Variants in SORCS1 observed in about 807,000 individuals in gnomAD.
The protein encoded by SORCS1 is sortilin related VPS10 domain containing receptor 1, also known as VPS10 domain-containing receptor SorCS1.
In SORCS1, 60 loss-of-function variants were observed where a neutral mutation model predicts 146.1. That is an observed-to-expected ratio of 0.41 (90% CI 0.33 to 0.51). The LOEUF is 0.51. Among genes scored for constraint, SORCS1 ranks in the 20% least tolerant of loss-of-function variants. SORCS1 has a pLI of 0.21. For missense variants in SORCS1, 1,352 were observed against 1,487.6 expected (o/e 0.91, Z 1.50); for synonymous variants, 637 against 584.0 (o/e 1.09, Z -1.31).
chr10:106,905,944 G>A (rs1437351086), intron 2 of SORCS1, among the ~76,000 whole-genome samples: 1 of 152,040 alleles, frequency 6.6e-6, no homozygotes, highest in African/African-American at 2.4e-5. Flanking sequence ...TACTATCTCT[G>A]AGGTCATAAC....
intron 1 of SORCS1, among the ~76,000 whole-genome samples, chr10:107,039,799 TA>T (rs1316603234): frequency 2.6e-5 from 4 of 152,206 alleles, no homozygotes; most frequent in African/African-American, 4.8e-5. Context: ...CAGAATATAG[TA>T]AAATAAGGCT....
chr10:106,827,360 C>T (rs1948349684), intron 3 of SORCS1, among the ~76,000 whole-genome samples: 1 of 152,074 alleles, frequency 6.6e-6, no homozygotes, highest in East Asian at 1.9e-4. Flanking sequence ...CCCAGAGTCA[C>T]CTGTTAGGTG....
At chr10:107,104,066 G>T (rs1392384272) in intron 1 of SORCS1, among the ~76,000 whole-genome samples, 1 of 152,138 alleles carries the variant, frequency 6.6e-6, no homozygotes, top group East Asian at 1.9e-4. Flanking sequence ...CAACAACAAA[G>T]AGAATGTACT....
chr10:106,853,097 G>A (rs1949654697), intron 2 of SORCS1, among the ~76,000 whole-genome samples: 2 of 152,154 alleles, frequency 1.3e-5, no homozygotes, highest in African/African-American at 2.4e-5. Flanking sequence ...AACTGACTGT[G>A]CCTGGTGCTT....
At chr10:106,838,057 A>G in intron 2 of SORCS1, among the ~76,000 whole-genome samples, 1 of 152,164 alleles carries the variant, frequency 6.6e-6, no homozygotes, top group Non-Finnish European at 1.5e-5. Flanking sequence ...CACAGTAGGC[A>G]CTATTTGCTT....
chr10:106,722,761 G>T lies in SORCS1; in HGVS notation c.1024+7289C>A, dbSNP rs75072968. Among the ~76,000 whole-genome samples the T allele has an allele frequency of 1.8e-3, 280 of 152,258 alleles. 2 individuals are homozygous for T. The highest frequency in any genetic ancestry group is 6.5e-3 in the African/African-American group (270 of 41,546). On this transcript the variant is annotated intron_variant, in intron 6 of 25. Transcript: ENST00000263054. ...AGAAGTAAAAGGGAGAAGCAATAAT[G>T]GCCAAAGGTGGTACTGCAGGTTCTC...
In SORCS1 at chr10:107,158,767, C is replaced by T. The variant is rs118178570; in HGVS notation, c.558+5202G>A. Among the ~76,000 whole-genome samples, 173 of 152,248 alleles carry T rather than the reference C, an allele frequency of 1.1e-3. 2 individuals are homozygous for T. Among genetic ancestry groups the T allele is most frequent in the Admixed American group, 2.8e-3 (42 of 15,272 alleles). On this transcript the variant is annotated intron_variant, in intron 1 of 25. Transcript: ENST00000263054. ...AATTAAAACTAAACACAATAATTTG[C>T]GTAAGGCTCTTGGCATAATTTTGGC...
At chr10:106,600,090 G>A (rs544972131) in intron 23 of SORCS1, among the ~76,000 whole-genome samples, 56 of 152,164 alleles carry the variant, frequency 3.7e-4, no homozygotes, top group African/African-American at 1.1e-3. Context: ...GTGCCTGGCC[G>A]CAATATTTGT....
chr10:106,807,679 A>G (rs1947256488), intron 3 of SORCS1, among the ~76,000 whole-genome samples: 1 of 152,252 alleles, frequency 6.6e-6, no homozygotes, highest in Non-Finnish European at 1.5e-5. Flanking sequence ...GCATTCCACC[A>G]GGTAGTTTAT....
At chr10:106,999,135 T>A (rs1203157892) in intron 1 of SORCS1, among the ~76,000 whole-genome samples, 1 of 151,990 alleles carries the variant, frequency 6.6e-6, no homozygotes, top group African/African-American at 2.4e-5. Flanking sequence ...GTAATTCAGG[T>A]TTAATGGAAA....
chr10:106,710,389 A>T (rs917557491), intron 6 of SORCS1, among the ~76,000 whole-genome samples: 1 of 145,484 alleles, frequency 6.9e-6, no homozygotes, highest in African/African-American at 2.5e-5. Flanking sequence ...CGGAGGTTGC[A>T]GTGGGCCAAG....
At chr10:106,862,871 T>G (rs1950076780) in intron 2 of SORCS1, among the ~76,000 whole-genome samples, 2 of 151,880 alleles carry the variant, frequency 1.3e-5, no homozygotes, top group African/African-American at 4.8e-5. Context: ...AGTCAAGCAT[T>G]TAGTTGAGAC....
chr10:106,956,539 C>T lies in SORCS1; in HGVS notation c.600G>A (p.Gly200=). The change falls in exon 2 of 26, where the codon GGG becomes GGA. Residue 200 remains glycine, a synonymous_variant. Coordinates refer to ENST00000263054, the MANE Select transcript of SORCS1 (RefSeq NM_052918.5). ...TCCAAAGCGAGCTCTCTGTGATGCT[C>T]CCCAGGTTATAGTCATAGAGCTTTG... ...ILTKLYDYNL[G]SITESSLWRS... 1 of 1,614,122 alleles carries T rather than the reference C, an allele frequency of 6.2e-7. No individual in the cohort carries two copies. Among genetic ancestry groups the T allele is most frequent in the Non-Finnish European group, 8.5e-7 (1 of 1,180,000 alleles).
intron 16 of SORCS1, among the ~76,000 whole-genome samples, chr10:106,669,426 GT>G (rs1038641899): frequency 7.9e-5 from 12 of 151,886 alleles, no homozygotes; most frequent in Admixed American, 3.3e-4. Context: ...AAGAATGGCT[GT>G]TTCTTAAGGC....
At chr10:106,721,919 T>C (rs1855806849) in intron 6 of SORCS1, among the ~76,000 whole-genome samples, 1 of 152,228 alleles carries the variant, frequency 6.6e-6, no homozygotes, top group Admixed American at 6.5e-5. Flanking sequence ...TGGAGTTCTA[T>C]GTATCAATTA....
chr10:106,792,612 C>G (rs570856659), intron 3 of SORCS1, among the ~76,000 whole-genome samples: 22 of 152,362 alleles, frequency 1.4e-4, no homozygotes, highest in African/African-American at 5.3e-4. Flanking sequence ...TTTCCCAGGA[C>G]TGCATCTTAA....
At chr10:107,168,582 C>T (rs1970099102), upstream of SORCS1, among the ~76,000 whole-genome samples, 1 of 151,062 alleles carries the variant, frequency 6.6e-6, no homozygotes, top group Non-Finnish European at 1.5e-5. Flanking sequence ...AGGAGCACAA[C>T]TCTTAGTAAC....
intron 17 of SORCS1, 122 bp downstream of exon 17, chr10:106,667,567 G>T: frequency 1.6e-6 from 1 of 627,224 alleles, no homozygotes; most frequent in Non-Finnish European, 2.8e-6. Flanking sequence ...ATGAACAAAA[G>T]CAATTACATT....
intron 2 of SORCS1, among the ~76,000 whole-genome samples, chr10:106,898,514 C>T (rs1951574647): frequency 6.6e-6 from 1 of 152,204 alleles, no homozygotes; most frequent in Non-Finnish European, 1.5e-5. Flanking sequence ...ATGAGCATGG[C>T]ACTGGAAACC....
Sources: gnomAD v4.1 joint callset for allele counts (sites outside exome capture counted in the v4.1 genomes callset) on GRCh38, gnomAD v4.1.1 for gene constraint, MANE v1.5 for transcripts, NCBI Gene and HGNC (gene_info 2026-07-23, HGNC 2026-07-21) for gene names.